ADAM19: variants seen among roughly 807,000 people sequenced by gnomAD.
ADAM19 encodes disintegrin and metalloproteinase domain-containing protein 19.
In ADAM19, 65 loss-of-function variants were observed where a neutral mutation model predicts 114.7. That is an observed-to-expected ratio of 0.57 (90% CI 0.46 to 0.70). The LOEUF (loss-of-function observed/expected upper bound fraction) is 0.70. Ranked by LOEUF, ADAM19 falls within the 30% of genes least tolerant of loss-of-function variation. The probability of loss-of-function intolerance (pLI) is 0.00; values close to 1 mark genes in which losing one functional copy is unlikely to be tolerated. For synonymous variants in ADAM19, 466 were observed against 460.5 expected (o/e 1.01, Z -0.15); for missense variants, 1,063 against 1,204.7 (o/e 0.88, Z 1.74).
intron 3 of ADAM19, among the ~76,000 whole-genome samples, chr5:157,552,371 G>A (rs62388528): frequency 4.0e-5 from 6 of 151,868 alleles, no homozygotes; most frequent in African/African-American, 9.7e-5. Flanking sequence ...AAATCAGTGG[G>A]CCAGGCACGG....
chr5:157,548,008 T>G (rs6896064), intron 3 of ADAM19, among the ~76,000 whole-genome samples: 26,609 of 152,182 alleles, frequency 0.17, 2,403 homozygotes, highest in Admixed American at 0.23. Flanking sequence ...TCCTTCCTCC[T>G]GCTCTCTGTT....
chr5:157,532,673 C>T (rs962626011), intron 4 of ADAM19, among the ~76,000 whole-genome samples: 3 of 152,196 alleles, frequency 2.0e-5, no homozygotes, highest in African/African-American at 7.2e-5. Context: ...TCTCTTTTCC[C>T]CCATCTCTAG....
At chr5:157,557,039 C>A (rs1757385854) in intron 3 of ADAM19, among the ~76,000 whole-genome samples, 1 of 152,126 alleles carries the variant, frequency 6.6e-6, no homozygotes, top group African/African-American at 2.4e-5. Context: ...TGCCACCATG[C>A]CTGGCTAATT....
In ADAM19 at chr5:157,492,041, CA is replaced by C. The variant is rs1199218033; in HGVS notation, c.1909-130del. 107 of 803,770 alleles carry C rather than the reference CA, an allele frequency of 1.3e-4. 1 individual carries two copies. The East Asian group carries it at 3.0e-3, about 23-fold the overall frequency. 49.8% of individuals were successfully genotyped at this position (803,770 alleles called of 1,614,324 possible). A position where few individuals can be genotyped will look rare whatever the true frequency, so the allele number is the denominator to read the frequency against. On this transcript the variant is annotated intron_variant, in intron 16 of 22. Transcript: ENST00000257527. ...GCCTGGTGGCTCACGCCTGTAATCC[CA>C]GCACTTTGGGAGGCTGAGGTGGGCG...
intron 16 of ADAM19, among the ~76,000 whole-genome samples, chr5:157,492,197 C>A (rs1755195328): frequency 6.6e-6 from 1 of 152,200 alleles, no homozygotes; most frequent in Non-Finnish European, 1.5e-5. Context: ...GAAGCTGAGG[C>A]AGGAGAATTG....
chr5:157,504,343 C>A (rs559313046), intron 11 of ADAM19, among the ~76,000 whole-genome samples: 183 of 152,238 alleles, frequency 1.2e-3, no homozygotes, highest in Non-Finnish European at 1.6e-3. Context: ...CTTTGCCTCT[C>A]GAGTTCAAGT....
intron 9 of ADAM19, among the ~76,000 whole-genome samples, chr5:157,509,065 T>A (rs1755832528): frequency 6.6e-6 from 1 of 152,266 alleles, no homozygotes; most frequent in South Asian, 2.1e-4. Flanking sequence ...GTAAGTCTAA[T>A]TTTCCCATTA....
chr5:157,503,007 T>TG (rs1353906177), intron 11 of ADAM19, 27 bp from the exon 12 acceptor site: 1 of 1,602,912 alleles, frequency 6.2e-7, no homozygotes, highest in East Asian at 2.2e-5. Flanking sequence ...CTGGAATTAG[T>TG]GGGGAGTTTG....
chr5:157,543,356 A>C (rs1465654492), intron 3 of ADAM19, among the ~76,000 whole-genome samples: 33 of 152,232 alleles, frequency 2.2e-4, no homozygotes, highest in Admixed American at 2.2e-3. Context: ...GATGCTGAGG[A>C]TCAAATGAGA....
intron 2 of ADAM19, among the ~76,000 whole-genome samples, chr5:157,565,645 G>T (rs1293327130): frequency 2.0e-5 from 3 of 151,566 alleles, no homozygotes; most frequent in African/African-American, 7.3e-5. Flanking sequence ...GGAGGCGAAG[G>T]TTGCAGTGAG....
intron 22 of ADAM19, 154 bp downstream of exon 22, chr5:157,481,637 C>T: frequency 6.4e-7 from 1 of 1,550,956 alleles, no homozygotes; most frequent in Non-Finnish European, 8.7e-7. Flanking sequence ...CAAGCGGGCA[C>T]CAAGAAACAT....
chr5:157,533,148 A>G (rs376348068), intron 4 of ADAM19, among the ~76,000 whole-genome samples: 90 of 152,056 alleles, frequency 5.9e-4, no homozygotes, highest in African/African-American at 2.1e-3. Context: ...CCAAGCTGAC[A>G]CTCAACACGG....
chr5:157,514,326 C>CT (rs200826711), intron 7 of ADAM19, among the ~76,000 whole-genome samples: 5,017 of 141,656 alleles, frequency 0.035, 406 homozygotes, highest in African/African-American at 0.12. Flanking sequence ...AATCACATTT[C>CT]TTTCTTTTTT....
At chr5:157,571,823 G>T (rs1434553382) in intron 1 of ADAM19, among the ~76,000 whole-genome samples, 2 of 152,176 alleles carry the variant, frequency 1.3e-5, no homozygotes, top group Non-Finnish European at 2.9e-5. Context: ...TCAAGCCCAT[G>T]AATACTGCTC....
At chr5:157,562,623 C>T (rs867670405) in intron 3 of ADAM19, among the ~76,000 whole-genome samples, 4 of 152,204 alleles carry the variant, frequency 2.6e-5, no homozygotes, top group African/African-American at 9.6e-5. Flanking sequence ...CAGACTCACA[C>T]CAAGAATACA....
chr5:157,526,299 A>G (rs1756453319), intron 5 of ADAM19, among the ~76,000 whole-genome samples: 1 of 152,210 alleles, frequency 6.6e-6, no homozygotes, highest in Admixed American at 6.5e-5. Context: ...AGGGTAGGAC[A>G]AGATAAACAA....
chr5:157,523,268 C>T (rs1437429765), intron 5 of ADAM19, among the ~76,000 whole-genome samples: 1 of 152,160 alleles, frequency 6.6e-6, no homozygotes, highest in Non-Finnish European at 1.5e-5. Flanking sequence ...GCAGAGGTCT[C>T]AGGGATATCT....
At chr5:157,501,333 T>TC (rs1755556929) in intron 12 of ADAM19, among the ~76,000 whole-genome samples, 1 of 152,150 alleles carries the variant, frequency 6.6e-6, no homozygotes, top group Admixed American at 6.5e-5. Context: ...GCAAGGAGGT[T>TC]CCCCCTCACA....
chr5:157,511,635 G>A (rs1272091971), intron 8 of ADAM19, among the ~76,000 whole-genome samples: 1 of 152,224 alleles, frequency 6.6e-6, no homozygotes, highest in Admixed American at 6.5e-5. Context: ...GGGAGCTTTT[G>A]AAGGAAGTAA....
Sources: gnomAD v4.1 joint callset for allele counts (sites outside exome capture counted in the v4.1 genomes callset) on GRCh38, gnomAD v4.1.1 for gene constraint, MANE v1.5 for transcripts, NCBI Gene and HGNC (gene_info 2026-07-23, HGNC 2026-07-21) for gene names.